The following OPHN1 variants were observed in gnomAD, a reference collection of about 807,000 sequenced individuals.
The protein encoded by OPHN1 is oligophrenin 1.
Under a neutral mutation model 60.7 loss-of-function variants are expected in OPHN1, and 11 were observed. That is an observed-to-expected ratio of 0.18 (90% confidence interval 0.11 to 0.30). The LOEUF is 0.30. OPHN1 is among the 10% of genes least tolerant of loss of function. OPHN1 has a pLI of 1.00. For missense variants in OPHN1, 449 were observed against 611.0 expected (o/e 0.73, Z 2.80); for synonymous variants, 226 against 222.6 (o/e 1.02, Z -0.14).
chrX:68,182,546 C>T (rs1569235620), intron 15 of OPHN1, among the ~76,000 whole-genome samples: 1 of 111,199 alleles, frequency 9.0e-6, no homozygotes, highest in Non-Finnish European at 1.9e-5. Context: ...GAGATAAGAG[C>T]ACCAAGCTGA....
At chrX:68,148,274 T>C (rs1301084905) in intron 15 of OPHN1, among the ~76,000 whole-genome samples, 1 of 111,402 alleles carries the variant, frequency 9.0e-6, no homozygotes, top group Non-Finnish European at 1.9e-5. Context: ...AGCAATAAAC[T>C]TGTATACTAT....
chrX:68,230,811 G>A (rs1286388914), intron 6 of OPHN1, among the ~76,000 whole-genome samples: 3 of 108,216 alleles, frequency 2.8e-5, no homozygotes, highest in African/African-American at 1.0e-4. Flanking sequence ...TAGACCTAAT[G>A]TAAATGATGA....
intron 2 of OPHN1, among the ~76,000 whole-genome samples, chrX:68,406,297 G>C (rs1471363427): frequency 1.8e-5 from 2 of 111,469 alleles, no homozygotes; most frequent in East Asian, 5.6e-4. Context: ...TTAGATAATA[G>C]TATTATATCA....
At chrX:68,284,248 A>G (rs2078030913) in intron 3 of OPHN1, among the ~76,000 whole-genome samples, 1 of 110,671 alleles carries the variant, frequency 9.0e-6, no homozygotes, top group African/African-American at 3.3e-5. Context: ...TGAGGGTTTA[A>G]TTGTGACAAT....
In OPHN1 at chrX:68,378,959, A is replaced by G. The variant is rs1334052150; in HGVS notation, c.154+53908T>C. On this transcript the variant is annotated intron_variant, in intron 2 of 24. Coordinates refer to ENST00000355520, the MANE Select transcript of OPHN1 (RefSeq NM_002547.3). ...ATGAACTTTAAAGTAGTTTTTTCCA[A>G]TTCTGTGAAGAAAGTCATTGGTAGC... is the stretch of plus-strand genomic sequence containing the variant. Among the ~76,000 whole-genome samples, 378 of 110,735 alleles carry G rather than the reference A, an allele frequency of 3.4e-3. 1 individual carries two copies. Among genetic ancestry groups the G allele is most frequent in the African/African-American group, 0.012 (366 of 30,477 alleles).
intron 15 of OPHN1, among the ~76,000 whole-genome samples, chrX:68,132,090 C>G (rs2077197121): frequency 9.0e-6 from 1 of 111,238 alleles, no homozygotes; most frequent in Non-Finnish European, 1.9e-5. Flanking sequence ...TCAGTTTTTG[C>G]CCATTCAGTC....
At chrX:68,408,668 A>G (rs2078755273) in intron 2 of OPHN1, among the ~76,000 whole-genome samples, 1 of 112,931 alleles carries the variant, frequency 8.9e-6, no homozygotes, top group South Asian at 3.6e-4. Flanking sequence ...CACTTATTCT[A>G]CTTAGCAACT....
chrX:68,317,367 GA>G (rs1569278090), intron 2 of OPHN1, among the ~76,000 whole-genome samples: 13 of 69,995 alleles, frequency 1.9e-4, no homozygotes, highest in African/African-American at 7.5e-4. Context: ...AAGAAAGAAA[GA>G]AAGAAAGAAA....
At chrX:68,325,152 A>G (rs1043149226) in intron 2 of OPHN1, among the ~76,000 whole-genome samples, 1 of 111,448 alleles carries the variant, frequency 9.0e-6, no homozygotes, top group African/African-American at 3.3e-5. Flanking sequence ...TGTTCTCTCA[A>G]TCAATCTATA....
At chrX:68,193,642 T>C (rs754542975) in intron 14 of OPHN1, among the ~76,000 whole-genome samples, 2 of 111,854 alleles carry the variant, frequency 1.8e-5, no homozygotes, top group Admixed American at 1.9e-4. Flanking sequence ...TGACACTGCT[T>C]AAGGAGTGCC....
chrX:68,119,026 C>CT (rs1381902080), intron 16 of OPHN1, among the ~76,000 whole-genome samples: 1 of 111,880 alleles, frequency 8.9e-6, no homozygotes, highest in Non-Finnish European at 1.9e-5. Flanking sequence ...TCTTTTTAGC[C>CT]TTTTTTCAGT....
intron 15 of OPHN1, among the ~76,000 whole-genome samples, chrX:68,127,959 A>T (rs1391757690): frequency 1.8e-5 from 2 of 112,117 alleles, no homozygotes; most frequent in Admixed American, 9.5e-5. Flanking sequence ...AAACAAAAAC[A>T]GAAAAGTTAA....
chrX:68,084,334 G>C (rs2076986864), intron 19 of OPHN1, among the ~76,000 whole-genome samples: 1 of 76,232 alleles, frequency 1.3e-5, no homozygotes. Context: ...TGGGGAGGGG[G>C]GAGGGAGAGA....
intron 15 of OPHN1, among the ~76,000 whole-genome samples, chrX:68,152,242 T>C (rs1006951751): frequency 4.5e-5 from 5 of 110,644 alleles, no homozygotes; most frequent in East Asian, 2.9e-4. Context: ...ATACACTTCA[T>C]AGAGAAGGCA....
intron 15 of OPHN1, among the ~76,000 whole-genome samples, chrX:68,132,488 G>C (rs1421068325): frequency 1.1e-5 from 1 of 94,885 alleles, no homozygotes; most frequent in African/African-American, 3.9e-5. Context: ...TCATAGGTGG[G>C]AATTGAACAA....
At chrX:68,092,609 A>C (rs2147398240) in intron 19 of OPHN1, among the ~76,000 whole-genome samples, 1 of 111,638 alleles carries the variant, frequency 9.0e-6, no homozygotes, top group East Asian at 2.8e-4. Flanking sequence ...CGGTGTGAAA[A>C]TCTCACTTAA....
chrX:68,278,905 A>T (rs190912527), intron 4 of OPHN1, among the ~76,000 whole-genome samples: 3,741 of 108,501 alleles, frequency 0.034, 58 homozygotes, highest in Non-Finnish European at 0.047. Flanking sequence ...AATAAAAAAA[A>T]TTTTTTTTTA....
At chrX:68,223,289 A>G (rs770699494) in intron 6 of OPHN1, among the ~76,000 whole-genome samples, 7 of 112,539 alleles carry the variant, frequency 6.2e-5, no homozygotes, top group Non-Finnish European at 1.3e-4. Context: ...AATCAATCTA[A>G]GTGCCCATCA....
chrX:68,081,359 G>A (rs972177809), intron 19 of OPHN1, among the ~76,000 whole-genome samples: 4 of 111,280 alleles, frequency 3.6e-5, no homozygotes, highest in Non-Finnish European at 7.5e-5. Context: ...TAAACTATAT[G>A]AATCTCAAAC....
Sources: gnomAD v4.1 joint callset for allele counts (sites outside exome capture counted in the v4.1 genomes callset) on GRCh38, gnomAD v4.1.1 for gene constraint, MANE v1.5 for transcripts, NCBI Gene and HGNC (gene_info 2026-07-23, HGNC 2026-07-21) for gene names.